The following WIZ variants were observed in gnomAD, a reference collection of about 807,000 sequenced individuals.
WIZ encodes WIZ zinc finger, also known as protein Wiz.
WIZ carries 25 observed loss-of-function variants against 140.2 expected under a neutral mutation model. The ratio of observed to expected loss-of-function variants is 0.18; its 90% CI spans 0.13 to 0.25. The LOEUF (loss-of-function observed/expected upper bound fraction) is 0.25. Among genes scored for constraint, WIZ ranks in the 10% least tolerant of loss-of-function variants. The pLI, the probability that WIZ is intolerant of heterozygous loss-of-function variation, is 1.00. For missense variants in WIZ, 2,231 were observed against 2,632.6 expected (o/e 0.85, Z 3.34); for synonymous variants, 1,125 against 1,154.3 (o/e 0.97, Z 0.51).
intron 9 of WIZ, 74 bp from the exon 10 acceptor site, chr19:15,425,842 AGGAGGAG>A (rs1568290434): frequency 6.2e-4 from 6 of 9,610 alleles, no homozygotes; most frequent in Admixed American, 1.7e-3. Context: ...AGGAGGGAGG[AGGAGGAG>A]GGAGGAGGGA....
chr19:15,449,710 C>A (rs1439242673), intron 1 of WIZ, 88 bp downstream of exon 1: 2 of 144,266 alleles, frequency 1.4e-5, no homozygotes, highest in African/African-American at 5.0e-5. Flanking sequence ...CCGGGGGGTC[C>A]CGCCTGGCCC....
intron 5 of WIZ, among the ~76,000 whole-genome samples, chr19:15,435,995 C>T (rs897383007): frequency 1.1e-4 from 16 of 152,126 alleles, no homozygotes; most frequent in Non-Finnish European, 2.2e-4. Flanking sequence ...TGGTGATGAG[C>T]GCCTGTAATC....
rs1014052518 is a variant in WIZ at position 15,439,762 on chromosome 19, T to C, written c.1232A>G (p.Asn411Ser). Reference sequence around the variant, plus strand: ...ATGCTGCACATAGGCCCTGGATGAATTGGTGCCAAAGACACACTTAGGGCA... The same window carrying C: ...ATGCTGCACATAGGCCCTGGATGAACTGGTGCCAAAGACACACTTAGGGCA... ...LQCPKCVFGT[N>S]SSRAYVQHAK... The change falls in exon 4 of 13, where the codon AAT (asparagine) becomes AGT (serine). Residue 411 changes from asparagine (N) to serine (S), a missense_variant. Around this residue, in one of 15 missense-constraint regions of WIZ, gnomAD observed 475 missense variants for 520.2 expected, o/e 0.91. Coordinates refer to ENST00000673675, the MANE Select transcript of WIZ (RefSeq NM_001371589.1). The surrounding 1 kb of genome is among the most constrained non-coding windows in gnomAD (Gnocchi z 7.0). 1.4e-6 allele frequency: 2 copies of C among 1,479,750 alleles called. No homozygotes were observed. The highest frequency in any genetic ancestry group is 2.8e-5 in the African/African-American group (2 of 70,858). The allele number at this position is 1,479,750 out of a possible 1,614,324, so 91.7% of individuals were successfully genotyped here.
In WIZ at chr19:15,424,921, T is replaced by C. The variant is rs753900395; in HGVS notation, c.5006A>G (p.Asn1669Ser). 4 of 1,611,196 alleles carry C rather than the reference T, an allele frequency of 2.5e-6. No individual in the cohort carries two copies. The highest frequency in any genetic ancestry group is 3.4e-6 in the Non-Finnish European group (4 of 1,179,356). ...RQFGVTEWCV[N>S]GSPIETLSEW... ...GCTCAGTGTCTCGATGGGCGAGCCA[T>C]TGACGCACCACTCGGTCACGCCGAA... Residue 1669 changes from asparagine (N) to serine (S), a missense_variant, in exon 11 of 13, where the codon AAT (asparagine) becomes AGT (serine). Coordinates refer to ENST00000673675, the MANE Select transcript of WIZ (RefSeq NM_001371589.1). This position sits in a 1 kb window ranked among gnomAD's most constrained non-coding sequence, Gnocchi z 9.7.
Position 15,425,707 on chromosome 19 carries a change from G to A in WIZ, c.4428C>T (p.Asn1476=), listed in dbSNP as rs752715262. Residue 1476 remains asparagine, a synonymous_variant, in exon 10 of 13, where the codon AAC becomes AAT. Transcript: ENST00000673675. The stretch of plus-strand genomic sequence containing the variant: ...GCGCGTGACTCGACAGGCCCTTGCG[G>A]TTCTCGAAGAACTCGCCGCAGAACT... The part of the protein sequence containing the change: ...RCEFCGEFFE[N]RKGLSSHARS... The A allele has an allele frequency of 1.2e-5, 19 of 1,612,362 alleles. No individual in the cohort carries two copies. The highest frequency in any genetic ancestry group is 1.4e-5 in the Non-Finnish European group (16 of 1,179,560).
rs1300677005 is a variant in WIZ, at chr19:15,424,851, G to C, written c.5076C>G (p.Ser1692Arg). ...TGAAGGGGCGGCCGCCCTGGATGTA[G>C]CTGCGGTAGGCGCCCACCTTCTGGG... ...HRPQKVGAYR[S>R]YIQGGRPFTK... is the part of the protein sequence containing the mutation. The change falls in exon 11 of 13, where the codon AGC (serine) becomes AGG (arginine). Residue 1692 changes from serine (S) to arginine (R), a missense_variant. Physicochemically the swap from Ser to Arg is moderately radical, Grantham distance 110. This residue lies in a region of WIZ where 299 missense variants were observed against 309.6 expected (regional missense o/e 0.97). Coordinates refer to ENST00000673675, the MANE Select transcript of WIZ (RefSeq NM_001371589.1). This position sits in a 1 kb window ranked among gnomAD's most constrained non-coding sequence, Gnocchi z 9.7. 3 of 1,610,950 alleles carry C rather than the reference G, an allele frequency of 1.9e-6. No homozygotes were observed. Among genetic ancestry groups the C allele is most frequent in the Non-Finnish European group, 2.5e-6 (3 of 1,179,362 alleles).
chr19:15,429,669 C>A lies in WIZ; in HGVS notation c.3332G>T (p.Ser1111Ile). 7.0e-7 allele frequency: 1 copy of A among 1,429,620 alleles called. No individual in the cohort carries two copies. Among genetic ancestry groups the A allele is most frequent in the South Asian group, 1.5e-5 (1 of 66,940 alleles). 88.6% of individuals were successfully genotyped at this position (1,429,620 alleles called of 1,614,324 possible). ...SPTPKNPEDK[S>I]PQLSLSPRPA... ...CCGGGGGCTCAGGGACAGCTGGGGG[C>A]TCTTGTCCTCAGGATTCTTAGGGGT... The change falls in exon 7 of 13, where the codon AGC (serine) becomes ATC (isoleucine). Residue 1111 changes from serine to isoleucine, a missense_variant. Around this residue, in one of 15 missense-constraint regions of WIZ, gnomAD observed 163 missense variants for 166.8 expected, o/e 0.98. Transcript: ENST00000673675.
chr19:15,448,017 G>A (rs1280573826), intron 2 of WIZ, 86 bp downstream of exon 2: 9 of 1,488,634 alleles, frequency 6.0e-6, no homozygotes, highest in South Asian at 3.5e-5. Context: ...CAGCTCAGCC[G>A]CTGCTGCGCT....
chr19:15,431,905 G>T (rs1054823087), intron 5 of WIZ, among the ~76,000 whole-genome samples: 1 of 152,246 alleles, frequency 6.6e-6, no homozygotes, highest in African/African-American at 2.4e-5. Flanking sequence ...TGTTCAAAGG[G>T]GCCTGGGAGG....
At chr19:15,435,044 T>G (rs968202230) in intron 5 of WIZ, among the ~76,000 whole-genome samples, 1 of 151,950 alleles carries the variant, frequency 6.6e-6, no homozygotes, top group East Asian at 1.9e-4. Flanking sequence ...CTGGCTAACA[T>G]AGTGAAACCT....
At chr19:15,435,104 G>C (rs955660476) in intron 5 of WIZ, among the ~76,000 whole-genome samples, 1 of 152,100 alleles carries the variant, frequency 6.6e-6, no homozygotes, top group African/African-American at 2.4e-5. Context: ...TGTAATCCCA[G>C]CTACTCAGGA....
At chr19:15,437,265 A>C in intron 4 of WIZ, 136 bp from the exon 5 acceptor site, 6 of 810,248 alleles carry the variant, frequency 7.4e-6, no homozygotes, top group Non-Finnish European at 9.3e-6. Context: ...CCTGCTCCTC[A>C]GCTCTCAGCT....
In WIZ at chr19:15,424,231, TG is replaced by T; in HGVS notation, c.5461del (p.Gln1821ArgfsTer44). On this transcript the variant is annotated frameshift_variant, in exon 12 of 13. Coordinates refer to ENST00000673675, the MANE Select transcript of WIZ (RefSeq NM_001371589.1). LOFTEE classifies it high-confidence loss of function. The surrounding 1 kb of genome is among the most constrained non-coding windows in gnomAD (Gnocchi z 9.7). ...GCCCACGAACTTGACAAGTGATGTCTGGGGGGGCCGGGGCACCAGGGAGGGG... is the reference window on the plus strand; with the variant it reads ...GCCCACGAACTTGACAAGTGATGTCTGGGGGGCCGGGGCACCAGGGAGGGG... Reference protein sequence around the residue: ...PVPSLVPRPPQTSLVKFVGNI... With the variant: ...PVPSLVPRPPXTSLVKFVGNI... 8.2e-6 allele frequency: 13 copies of T among 1,580,622 alleles called. No individual in the cohort carries two copies. The highest frequency in any genetic ancestry group is 4.7e-5 in the East Asian group (2 of 42,842).
At position 15,442,625 on chromosome 19, in the gene WIZ, T is replaced by A; in HGVS notation, c.278+51A>T. 1 of 1,194,480 alleles carries A rather than the reference T, an allele frequency of 8.4e-7. No homozygotes were observed. The highest frequency in any genetic ancestry group is 1.0e-6 in the Non-Finnish European group (1 of 953,706). 74.0% of individuals were successfully genotyped at this position (1,194,480 alleles called of 1,614,324 possible). A position where few individuals can be genotyped will look rare whatever the true frequency, so the allele number is the denominator to read the frequency against. ...GGGGCTTATCTGAGGCCTGGGCATGTCCTGCTTGCCCCCCTGCCCTCCCTG... is the reference window on the plus strand; with the variant it reads ...GGGGCTTATCTGAGGCCTGGGCATGACCTGCTTGCCCCCCTGCCCTCCCTG... On this transcript the variant is annotated intron_variant, in intron 3 of 12. Transcript: ENST00000673675. This position sits in a 1 kb window ranked among gnomAD's most constrained non-coding sequence, Gnocchi z 5.5.
intron 7 of WIZ, among the ~76,000 whole-genome samples, chr19:15,429,214 G>A (rs917522757): frequency 6.6e-6 from 1 of 152,152 alleles, no homozygotes; most frequent in Admixed American, 6.5e-5. Context: ...TATCCAAGAT[G>A]CTTCCAACTA....
chr19:15,447,910 G>C (rs551785778), intron 2 of WIZ, among the ~76,000 whole-genome samples, 193 bp downstream of exon 2: 1 of 152,272 alleles, frequency 6.6e-6, no homozygotes, highest in African/African-American at 2.4e-5. Flanking sequence ...CCTTGGTCTG[G>C]TCACTGGCTC....
At chr19:15,447,651 T>C (rs1969965399) in intron 2 of WIZ, among the ~76,000 whole-genome samples, 1 of 152,178 alleles carries the variant, frequency 6.6e-6, no homozygotes, top group African/African-American at 2.4e-5. Context: ...CCAGCATCGC[T>C]GACTACCCAG....
In WIZ at chr19:15,425,069, A is replaced by T. The variant is rs764580136; in HGVS notation, c.4895-37T>A. 4.6e-6 allele frequency: 7 copies of T among 1,524,384 alleles called. No individual in the cohort carries two copies. In the Admixed American group the frequency reaches 1.4e-4, roughly 30 times the overall value. 94.4% of individuals were successfully genotyped at this position (1,524,384 alleles called of 1,614,324 possible). A position where few individuals can be genotyped will look rare whatever the true frequency, so the allele number is the denominator to read the frequency against. ...AGGGGGTGCTGCTGAGTCACAGCCCAAAGGGGGCAGGTGCACCCAGATGGC... is the reference window on the plus strand; with the variant it reads ...AGGGGGTGCTGCTGAGTCACAGCCCTAAGGGGGCAGGTGCACCCAGATGGC... On this transcript the variant is annotated intron_variant, in intron 10 of 12. Transcript: ENST00000673675.
intron 6 of WIZ, 76 bp downstream of exon 6, chr19:15,430,936 C>A: frequency 1.4e-6 from 2 of 1,433,784 alleles, no homozygotes; most frequent in South Asian, 2.9e-5. Context: ...CCACATTAAC[C>A]CCAAGGCACG....
Sources: allele counts gnomAD v4.1 joint callset (sites outside exome capture counted in the v4.1 genomes callset), GRCh38; gene constraint gnomAD v4.1.1; regional missense constraint gnomAD v4.1.1; non-coding constraint Gnocchi (gnomAD v3.1); transcripts MANE v1.5; gene names NCBI Gene and HGNC (gene_info 2026-07-23, HGNC 2026-07-21).